CELSR3: variants seen among roughly 807,000 people sequenced by gnomAD.
CELSR3 encodes the protein EGF-like protein 1.
Under a neutral mutation model 270.0 loss-of-function variants are expected in CELSR3, and 73 were observed. The ratio of observed to expected loss-of-function variants is 0.27; its 90% confidence interval spans 0.22 to 0.33. The LOEUF is 0.33. Ranked by LOEUF, CELSR3 falls within the 10% of genes least tolerant of loss-of-function variation. The pLI is 1.00. For synonymous variants in CELSR3, 1,780 were observed against 1,905.4 expected (o/e 0.93, Z 1.71); for missense variants, 3,614 against 4,533.8 (o/e 0.80, Z 5.83).
At position 48,660,449 on chromosome 3, in the gene CELSR3, C is replaced by T. The variant is rs188549733; in HGVS notation, c.2186G>A (p.Arg729Gln). The T allele has an allele frequency of 9.9e-6, 16 of 1,614,080 alleles. No homozygotes were observed. The East Asian group carries it at 2.9e-4, about 29-fold the overall frequency. Residue 729 changes from arginine (R) to glutamine (Q), a missense_variant, in exon 1 of 35, where the codon CGA becomes CAA. This residue lies in a region of CELSR3 where 215 missense variants were observed against 241.2 expected (regional missense o/e 0.89). Coordinates refer to ENST00000164024, the MANE Select transcript of CELSR3 (RefSeq NM_001407.3). This position sits in a 1 kb window ranked among gnomAD's most constrained non-coding sequence, Gnocchi z 5.5. Reference protein sequence around the residue: ...VEHYFFGVEARDHGSPPLSAS... With the variant: ...VEHYFFGVEAQDHGSPPLSAS... ...AGAGAGTGGGGGTGAGCCATGGTCT[C>T]GAGCCTCCACACCAAAGAAGTAATG...
In CELSR3 at chr3:48,640,619, T is replaced by C. The variant is rs1445805082; in HGVS notation, c.9026-60A>G. ...GTGGGAGGGGGAGGGCAGGCAGGAATTGCTGAGTCTAGGGGTGTGGCAGCC... is the reference window on the plus strand; with the variant it reads ...GTGGGAGGGGGAGGGCAGGCAGGAACTGCTGAGTCTAGGGGTGTGGCAGCC... On this transcript the variant is annotated intron_variant, in intron 33 of 34. Coordinates refer to ENST00000164024, the MANE Select transcript of CELSR3 (RefSeq NM_001407.3). The surrounding 1 kb of genome is among the most constrained non-coding windows in gnomAD (Gnocchi z 7.5). 11 of 1,473,824 alleles carry C rather than the reference T, an allele frequency of 7.5e-6. No individual in the cohort carries two copies. Among genetic ancestry groups the C allele is most frequent in the Non-Finnish European group, 1.0e-5 (11 of 1,103,568 alleles). The allele number at this position is 1,473,824 out of a possible 1,614,324, so 91.3% of individuals were successfully genotyped here. A position where few individuals can be genotyped will look rare whatever the true frequency, so the allele number is the denominator to read the frequency against.
In CELSR3 at chr3:48,637,674, A is replaced by G; in HGVS notation, c.*531T>C. ...CAGAGGACCCCTGTTTCCAAGACCA[A>G]CCCCCAGCCCCAGAAGTTTGGCCTT... On this transcript the variant is annotated 3_prime_UTR_variant, in exon 35 of 35. Coordinates refer to ENST00000164024, the MANE Select transcript of CELSR3 (RefSeq NM_001407.3). 6.4e-6 allele frequency: 1 copy of G among 155,850 alleles called. No homozygotes were observed. The highest frequency in any genetic ancestry group is 1.4e-5 in the Non-Finnish European group (1 of 69,944). The allele number at this position is 155,850 out of a possible 1,614,324, so 9.7% of individuals were successfully genotyped here. A position where few individuals can be genotyped will look rare whatever the true frequency, so the allele number is the denominator to read the frequency against.
chr3:48,660,825 C>A lies in CELSR3; in HGVS notation c.1810G>T (p.Val604Leu). 1 of 1,614,080 alleles carries A rather than the reference C, an allele frequency of 6.2e-7. No individual in the cohort carries two copies. The highest frequency in any genetic ancestry group is 8.5e-7 in the Non-Finnish European group (1 of 1,180,016). The change falls in exon 1 of 35, where the codon GTG becomes TTG. Residue 604 changes from valine (V) to leucine (L), a missense_variant. By Grantham distance (32) the Val-to-Leu change is conservative. Transcript: ENST00000164024. This position sits in a 1 kb window ranked among gnomAD's most constrained non-coding sequence, Gnocchi z 5.5. ...AIDSLTGEIQ[V>L]VAPLDFEAER... is the part of the protein sequence containing the mutation. ...GCCTCGAAGTCCAGAGGTGCCACCA[C>A]CTGGATCTCGCCAGTGAGGCTGTCG...
In CELSR3 at chr3:48,644,003, G is replaced by C. The variant is rs1575539226; in HGVS notation, c.8165+213C>G. ...ATGGGAGACTCTGGGGGGACCCAGAGGACAAGGAGAGACAGCAGGGCAGAA... is the reference window on the plus strand; with the variant it reads ...ATGGGAGACTCTGGGGGGACCCAGACGACAAGGAGAGACAGCAGGGCAGAA... On this transcript the variant is annotated intron_variant, in intron 27 of 34. Coordinates refer to ENST00000164024, the MANE Select transcript of CELSR3 (RefSeq NM_001407.3). This position sits in a 1 kb window ranked among gnomAD's most constrained non-coding sequence, Gnocchi z 4.8. 1 of 593,636 alleles carries C rather than the reference G, an allele frequency of 1.7e-6. No individual in the cohort carries two copies. Among genetic ancestry groups the C allele is most frequent in the East Asian group, 2.8e-5 (1 of 35,704 alleles). The allele number at this position is 593,636 out of a possible 1,614,324, so 36.8% of individuals were successfully genotyped here. A position where few individuals can be genotyped will look rare whatever the true frequency, so the allele number is the denominator to read the frequency against.
chr3:48,643,764 C>T, intron 27 of CELSR3, 87 bp from the exon 28 acceptor site: 2 of 1,461,118 alleles, frequency 1.4e-6, no homozygotes, highest in Non-Finnish European at 1.8e-6. Context: ...ACACAGGGGC[C>T]ACACACGAAA....
Position 48,661,197 on chromosome 3 carries a change from C to G in CELSR3, c.1438G>C (p.Ala480Pro). Residue 480 changes from alanine to proline, a missense_variant, in exon 1 of 35, where the codon GCT becomes CCT. Coordinates refer to ENST00000164024, the MANE Select transcript of CELSR3 (RefSeq NM_001407.3). ...YRFVGPPAAR[A>P]AAAAAFEIDP... ...ATCTCGAAGGCGGCGGCAGCTGCAG[C>G]GCGCGCAGCTGGCGGCCCCACGAAG... The G allele has an allele frequency of 1.3e-6, 2 of 1,597,990 alleles. No homozygotes were observed. Among genetic ancestry groups the G allele is most frequent in the African/African-American group, 1.3e-5 (1 of 74,562 alleles).
chr3:48,639,909 C>A lies in CELSR3; in HGVS notation c.9676G>T (p.Ala3226Ser). The change falls in exon 34 of 35, where the codon GCT becomes TCT. Residue 3226 changes from alanine (A) to serine (S), a missense_variant. Around this residue, in one of 7 missense-constraint regions of CELSR3, gnomAD observed 1,240 missense variants for 1,351.7 expected, o/e 0.92. Coordinates refer to ENST00000164024, the MANE Select transcript of CELSR3 (RefSeq NM_001407.3). This position sits in a 1 kb window ranked among gnomAD's most constrained non-coding sequence, Gnocchi z 4.1. ...ALGPLPQLLR[A>S]REDSVSGPSH... ...GGGCCACTGACCGAGTCCTCCCTAG[C>A]TCTGAGCAGCTGCGGGAGTGGCCCA... The A allele has an allele frequency of 6.2e-7, 1 of 1,613,186 alleles. No individual in the cohort carries two copies. Among genetic ancestry groups the A allele is most frequent in the South Asian group, 1.1e-5 (1 of 91,086 alleles).
At position 48,641,630 on chromosome 3, in the gene CELSR3, G is replaced by A. The variant is rs1441434566; in HGVS notation, c.8825-106C>T. The A allele has an allele frequency of 5.4e-6, 5 of 919,330 alleles. No homozygotes were observed. In the Admixed American group the frequency reaches 1.2e-4, roughly 21 times the overall value. The allele number at this position is 919,330 out of a possible 1,614,324, so 56.9% of individuals were successfully genotyped here. ...CCCTGGCTGTTCTCATTGAGCAGAG[G>A]TGGGAACAGGAGGGTATCTCCTCAG... is the stretch of plus-strand genomic sequence containing the variant. On this transcript the variant is annotated intron_variant, in intron 32 of 34. Transcript: ENST00000164024. This position sits in a 1 kb window ranked among gnomAD's most constrained non-coding sequence, Gnocchi z 4.8.
chr3:48,652,369 C>T lies in CELSR3; in HGVS notation c.5751+68G>A. ...CCACTTGAATACTGCCTTTCAGGTC[C>T]CAAGGAGCCCCTGACTTCTGACCCC... On this transcript the variant is annotated intron_variant, in intron 11 of 34. Transcript: ENST00000164024. The surrounding 1 kb of genome is among the most constrained non-coding windows in gnomAD (Gnocchi z 4.3). The T allele has an allele frequency of 7.8e-7, 1 of 1,277,840 alleles. No individual in the cohort carries two copies. Among genetic ancestry groups the T allele is most frequent in the Non-Finnish European group, 1.1e-6 (1 of 874,840 alleles). The allele number at this position is 1,277,840 out of a possible 1,614,324, so 79.2% of individuals were successfully genotyped here.
chr3:48,641,807 G>T lies in CELSR3; in HGVS notation c.8824+44C>A. The T allele has an allele frequency of 7.0e-7, 1 of 1,420,322 alleles. No homozygotes were observed. The allele number at this position is 1,420,322 out of a possible 1,614,324, so 88.0% of individuals were successfully genotyped here. ...ATGGGGAGCTGGAGGGATAACAAAT[G>T]GGGCATCCCTTGGTCACCCAAGGGG... On this transcript the variant is annotated intron_variant, in intron 32 of 34. Transcript: ENST00000164024. This position sits in a 1 kb window ranked among gnomAD's most constrained non-coding sequence, Gnocchi z 4.8.
At chr3:48,643,437 G>C in intron 28 of CELSR3, 117 bp downstream of exon 28, 1 of 1,389,924 alleles carries the variant, frequency 7.2e-7, no homozygotes. Flanking sequence ...TACCCAGCCT[G>C]GCAAAGTTAT....
chr3:48,642,406 G>A lies in CELSR3; in HGVS notation c.8617C>T (p.His2873Tyr). ...ADHTDHSLQA[H>Y]AGPTDLDVAM... ...ACGTCCAGGTCAGTGGGGCCAGCAT[G>A]AGCCTGGAGGCTGTGGTCAGTGTGG... The change falls in exon 31 of 35, where the codon CAT becomes TAT. Residue 2873 changes from histidine to tyrosine, a missense_variant. Physicochemically the swap from His to Tyr is moderately conservative, Grantham distance 83. Coordinates refer to ENST00000164024, the MANE Select transcript of CELSR3 (RefSeq NM_001407.3). This position sits in a 1 kb window ranked among gnomAD's most constrained non-coding sequence, Gnocchi z 6.1. 6.2e-7 allele frequency: 1 copy of A among 1,613,332 alleles called. No homozygotes were observed. The highest frequency in any genetic ancestry group is 8.5e-7 in the Non-Finnish European group (1 of 1,179,944).
Position 48,662,071 on chromosome 3 carries a change from C to A in CELSR3, c.564G>T (p.Gln188His). The A allele has an allele frequency of 6.2e-7, 1 of 1,614,080 alleles. No homozygotes were observed. Among genetic ancestry groups the A allele is most frequent in the Middle Eastern group, 1.6e-4 (1 of 6,062 alleles). ...TGCGGGAGCCTGTCCCAGCGTTCCGCTGGGAGGACACCGGCTTGGGACCGT... is the reference window on the plus strand; with the variant it reads ...TGCGGGAGCCTGTCCCAGCGTTCCGATGGGAGGACACCGGCTTGGGACCGT... Reference protein sequence around the residue: ...RHHGPKPVSSQRNAGTGSRKR... With the variant: ...RHHGPKPVSSHRNAGTGSRKR... Residue 188 changes from glutamine to histidine, a missense_variant, in exon 1 of 35, where the codon CAG becomes CAT. Around this residue, in one of 7 missense-constraint regions of CELSR3, gnomAD observed 470 missense variants for 469.7 expected, o/e 1.00. Transcript: ENST00000164024. This position sits in a 1 kb window ranked among gnomAD's most constrained non-coding sequence, Gnocchi z 7.1.
rs149661492 is a variant in CELSR3, at chr3:48,661,490, C to T, written c.1145G>A (p.Ser382Asn). Reference protein sequence around the residue: ...SLELFSIDPQSGLIRTAAALD... With the variant: ...SLELFSIDPQNGLIRTAAALD... Reference sequence around the variant, plus strand: ...AGCTGCCGCCGTACGGATAAGGCCGCTCTGCGGGTCGATGCTGAACAGCTC... The same window carrying T: ...AGCTGCCGCCGTACGGATAAGGCCGTTCTGCGGGTCGATGCTGAACAGCTC... Residue 382 changes from serine (S) to asparagine (N), a missense_variant, in exon 1 of 35, where the codon AGC becomes AAC. Ser to Asn is a conservative substitution (Grantham distance 46). Transcript: ENST00000164024. 1.9e-5 allele frequency: 30 copies of T among 1,603,888 alleles called. No homozygotes were observed. Among genetic ancestry groups the T allele is most frequent in the Non-Finnish European group, 2.3e-5 (27 of 1,175,102 alleles).
At position 48,654,408 on chromosome 3, in the gene CELSR3, T is replaced by A. The variant is rs760304129; in HGVS notation, c.5033A>T (p.Asn1678Ile). The change falls in exon 7 of 35, where the codon AAC becomes ATC. Residue 1678 changes from asparagine to isoleucine, a missense_variant. Asn to Ile is a moderately radical substitution (Grantham distance 149, BLOSUM62 -3). Coordinates refer to ENST00000164024, the MANE Select transcript of CELSR3 (RefSeq NM_001407.3). This position sits in a 1 kb window ranked among gnomAD's most constrained non-coding sequence, Gnocchi z 5.4. ...TGPLLLGGVP[N>I]LPENFPVSHK... Reference sequence around the variant, plus strand: ...GGATACGGGGAAGTTCTCGGGGAGGTTGGGGACACCTCCCAGAAGAAGAGG... The same window carrying A: ...GGATACGGGGAAGTTCTCGGGGAGGATGGGGACACCTCCCAGAAGAAGAGG... The A allele has an allele frequency of 2.4e-5, 38 of 1,606,380 alleles. No homozygotes were observed. The highest frequency in any genetic ancestry group is 6.8e-6 in the Non-Finnish European group (8 of 1,174,496).
In CELSR3 at chr3:48,641,767, C is replaced by A; in HGVS notation, c.8824+84G>T. The A allele has an allele frequency of 7.5e-7, 1 of 1,339,190 alleles. No homozygotes were observed. The highest frequency in any genetic ancestry group is 9.9e-7 in the Non-Finnish European group (1 of 1,009,776). 83.0% of individuals were successfully genotyped at this position (1,339,190 alleles called of 1,614,324 possible). Reference sequence around the variant, plus strand: ...GGGGTCAGAAAGACCAGGATGAACCCCAACCGCAGGAAAGATGGGGAGCTG... The same window carrying A: ...GGGGTCAGAAAGACCAGGATGAACCACAACCGCAGGAAAGATGGGGAGCTG... On this transcript the variant is annotated intron_variant, in intron 32 of 34. Transcript: ENST00000164024. The surrounding 1 kb of genome is among the most constrained non-coding windows in gnomAD (Gnocchi z 4.8).
intron 34 of CELSR3, among the ~76,000 whole-genome samples, chr3:48,638,831 T>C (rs1210457430): frequency 6.6e-6 from 1 of 151,942 alleles, no homozygotes; most frequent in Non-Finnish European, 1.5e-5. Context: ...CTCCTTCCTT[T>C]GTCCTCTCTC....
chr3:48,638,120 G>T lies in CELSR3; in HGVS notation c.*85C>A. Reference sequence around the variant, plus strand: ...CACTGGGGAGCAGGAGGCTGCCTTGGGATCTGCCCCCACTCCTGGAGTCTC... The same window carrying T: ...CACTGGGGAGCAGGAGGCTGCCTTGTGATCTGCCCCCACTCCTGGAGTCTC... On this transcript the variant is annotated 3_prime_UTR_variant, in exon 35 of 35. Coordinates refer to ENST00000164024, the MANE Select transcript of CELSR3 (RefSeq NM_001407.3). 1 of 1,252,400 alleles carries T rather than the reference G, an allele frequency of 8.0e-7. No homozygotes were observed. Among genetic ancestry groups the T allele is most frequent in the South Asian group, 1.2e-5 (1 of 82,892 alleles). The allele number at this position is 1,252,400 out of a possible 1,614,324, so 77.6% of individuals were successfully genotyped here. A position where few individuals can be genotyped will look rare whatever the true frequency, so the allele number is the denominator to read the frequency against.
At position 48,662,330 on chromosome 3, in the gene CELSR3, G is replaced by A. The variant is rs2077074277; in HGVS notation, c.305C>T (p.Pro102Leu). ...RQSARNSRGP[P>L]EQPNEELGIE... The stretch of plus-strand genomic sequence containing the variant: ...CCCCAGCTCCTCATTCGGCTGCTCA[G>A]GGGGCCCTCGACTATTCCGGGCGCT... Residue 102 changes from proline (P) to leucine (L), a missense_variant, in exon 1 of 35, where the codon CCT (proline) becomes CTT (leucine). Transcript: ENST00000164024. This position sits in a 1 kb window ranked among gnomAD's most constrained non-coding sequence, Gnocchi z 7.1. The A allele has an allele frequency of 6.2e-7, 1 of 1,612,920 alleles. No individual in the cohort carries two copies. Among genetic ancestry groups the A allele is most frequent in the Non-Finnish European group, 8.5e-7 (1 of 1,180,016 alleles).
Sources: gnomAD v4.1 joint callset for allele counts (sites outside exome capture counted in the v4.1 genomes callset) on GRCh38, gnomAD v4.1.1 for gene constraint, gnomAD v4.1.1 regional missense constraint, Gnocchi (gnomAD v3.1) non-coding constraint, MANE v1.5 for transcripts, NCBI Gene and HGNC (gene_info 2026-07-23, HGNC 2026-07-21) for gene names.